The following ARHGAP28 variants were observed in gnomAD, a reference collection of about 807,000 sequenced individuals.
ARHGAP28 encodes Rho GTPase activating protein 28.
ARHGAP28 carries 56 observed loss-of-function variants against 90.7 expected under a neutral mutation model. The observed-to-expected ratio is 0.62, with a 90% CI of 0.50 to 0.77. The LOEUF (loss-of-function observed/expected upper bound fraction) is 0.77. Among genes scored for constraint, ARHGAP28 ranks in the 30% least tolerant of loss-of-function variants. The pLI, the probability that ARHGAP28 is intolerant of heterozygous loss-of-function variation, is 0.00. For synonymous variants in ARHGAP28, 308 were observed against 323.3 expected, an observed-to-expected ratio of 0.95 and a Z score of 0.51; for missense variants, 869 against 900.9, an observed-to-expected ratio of 0.96 and a Z score of 0.45.
At chr18:6,787,202 A>G (rs1252333909) in intron 1 of ARHGAP28, among the ~76,000 whole-genome samples, 2 of 149,066 alleles carry the variant, frequency 1.3e-5, no homozygotes, top group African/African-American at 2.5e-5. Context: ...CCTGGGCAAC[A>G]AGAGCGAAAC....
In ARHGAP28 at chr18:6,795,287, G is replaced by A. The variant is rs188743949; in HGVS notation, c.123-29475G>A. ...GGAAGAGAGCTGGAGGGGTCCCTGC[G>A]AGAAAGAAGAGTGCTCCAGGAGGGC... On this transcript the variant is annotated intron_variant, in intron 1 of 17. Transcript: ENST00000383472. Among the ~76,000 whole-genome samples, 11 of 152,158 alleles carry A rather than the reference G, an allele frequency of 7.2e-5. No individual in the cohort carries two copies. In the East Asian group the frequency reaches 2.1e-3, roughly 30 times the overall value.
At chr18:6,839,398 A>G (rs377041743) in intron 3 of ARHGAP28, among the ~76,000 whole-genome samples, 26 of 147,864 alleles carry the variant, frequency 1.8e-4, no homozygotes, top group East Asian at 1.6e-3. Flanking sequence ...GGTTCACGCC[A>G]TTCTCCCCCC....
intron 1 of ARHGAP28, among the ~76,000 whole-genome samples, chr18:6,739,003 C>A (rs543140978): frequency 3.9e-4 from 59 of 152,240 alleles, no homozygotes; most frequent in African/African-American, 1.4e-3. Context: ...ATGAGGCAAG[C>A]ACTATACTAA....
intron 1 of ARHGAP28, among the ~76,000 whole-genome samples, chr18:6,772,027 A>G (rs2143413100): frequency 6.6e-6 from 1 of 152,310 alleles, no homozygotes; most frequent in Non-Finnish European, 1.5e-5. Context: ...ATGTATCAAT[A>G]CAAAATCCTC....
intron 2 of ARHGAP28, 125 bp from the exon 3 acceptor site, chr18:6,837,071 CT>C: frequency 1.4e-6 from 1 of 701,942 alleles, no homozygotes; most frequent in Non-Finnish European, 2.3e-6. Context: ...TCTTGTAGTT[CT>C]TTCCCATAAT....
At chr18:6,870,462 C>A in intron 6 of ARHGAP28, 128 bp from the exon 7 acceptor site, 1 of 937,610 alleles carries the variant, frequency 1.1e-6, no homozygotes, top group South Asian at 1.6e-5. Flanking sequence ...TGCTGCTTTT[C>A]CTCGCATATA....
At chr18:6,870,913 G>A (rs936227810) in intron 7 of ARHGAP28, among the ~76,000 whole-genome samples, 181 bp downstream of exon 7, 1 of 151,894 alleles carries the variant, frequency 6.6e-6, no homozygotes, top group Non-Finnish European at 1.5e-5. Flanking sequence ...CCATTCTCCT[G>A]CCTCAGCCTC....
chr18:6,809,942 A>T (rs1289402417), intron 1 of ARHGAP28, among the ~76,000 whole-genome samples: 1 of 152,208 alleles, frequency 6.6e-6, no homozygotes, highest in Non-Finnish European at 1.5e-5. Flanking sequence ...AATCATTGTC[A>T]CTATATTATA....
At chr18:6,806,423 C>G (rs1567953780) in intron 1 of ARHGAP28, among the ~76,000 whole-genome samples, 1 of 151,252 alleles carries the variant, frequency 6.6e-6, no homozygotes, top group Non-Finnish European at 1.5e-5. Context: ...AATTTGTAGG[C>G]AAAAGCAGTA....
rs574183693 is a variant in ARHGAP28 at position 6,824,217 on chromosome 18, A to G, written c.123-545A>G. Among the ~76,000 whole-genome samples the G allele has an allele frequency of 5.3e-5, 8 of 152,258 alleles. No individual in the cohort carries two copies. The South Asian group carries it at 1.5e-3, about 28-fold the overall frequency. ...TAAAAACATATTCATGTTAATTCCT[A>G]TACGGCCACAGAGTCATTATAAAGT... On this transcript the variant is annotated intron_variant, in intron 1 of 17. Transcript: ENST00000383472.
At chr18:6,843,817 A>G (rs1319719955) in intron 3 of ARHGAP28, among the ~76,000 whole-genome samples, 1 of 152,232 alleles carries the variant, frequency 6.6e-6, no homozygotes, top group Non-Finnish European at 1.5e-5. Flanking sequence ...GACAATTTCT[A>G]TGGGTTCAAA....
At chr18:6,877,627 A>C (rs544152730) in intron 10 of ARHGAP28, among the ~76,000 whole-genome samples, 3 of 152,220 alleles carry the variant, frequency 2.0e-5, no homozygotes, top group African/African-American at 7.2e-5. Flanking sequence ...CTTCCCTGAG[A>C]GTGGAGTTGG....
rs530008025 is a variant in ARHGAP28, at chr18:6,748,284, T to C, written c.122+18341T>C. Among the ~76,000 whole-genome samples the C allele has an allele frequency of 3.3e-5, 5 of 152,270 alleles. No homozygotes were observed. In the South Asian group the frequency reaches 1.0e-3, roughly 32 times the overall value. ...TTCCGGGAAACTTTTACATCCAGGG[T>C]ATCTTTACATTTATAGATACCATGA... On this transcript the variant is annotated intron_variant, in intron 1 of 17. Coordinates refer to ENST00000383472, the MANE Select transcript of ARHGAP28 (RefSeq NM_001366230.1).
At chr18:6,816,734 T>A (rs2056593494) in intron 1 of ARHGAP28, among the ~76,000 whole-genome samples, 1 of 152,152 alleles carries the variant, frequency 6.6e-6, no homozygotes, top group South Asian at 2.1e-4. Context: ...AATGTACTGA[T>A]CAAAGCCAGA....
chr18:6,769,479 A>G (rs1180701500), intron 1 of ARHGAP28, among the ~76,000 whole-genome samples: 1 of 152,210 alleles, frequency 6.6e-6, no homozygotes, highest in African/African-American at 2.4e-5. Flanking sequence ...TTCATTTAGG[A>G]CTTCCAAAAG....
Position 6,913,551 on chromosome 18 carries a change from A to G in ARHGAP28, c.*1397A>G, listed in dbSNP as rs1600319117. 1 of 152,198 alleles carries G rather than the reference A, an allele frequency of 6.6e-6. No individual in the cohort carries two copies. Among genetic ancestry groups the G allele is most frequent in the East Asian group, 1.9e-4 (1 of 5,198 alleles). The allele number at this position is 152,198 out of a possible 1,614,324, so 9.4% of individuals were successfully genotyped here. On this transcript the variant is annotated 3_prime_UTR_variant, in exon 18 of 18. Transcript: ENST00000383472. ...AAAGTTGCTCACAAATACAGAAAAC[A>G]TCTTTTTGTCTACTTCGCAAGTCTC...
At chr18:6,796,445 C>T (rs2056442546) in intron 1 of ARHGAP28, among the ~76,000 whole-genome samples, 1 of 152,016 alleles carries the variant, frequency 6.6e-6, no homozygotes, top group South Asian at 2.1e-4. Flanking sequence ...TGGCCTCTGT[C>T]TTCAAAGATG....
chr18:6,790,591 T>C (rs900378035), intron 1 of ARHGAP28: 1 of 151,790 alleles, frequency 6.6e-6, no homozygotes, highest in South Asian at 2.1e-4. Flanking sequence ...TCGAACAGAG[T>C]GGACAAGTGA....
At chr18:6,787,249 A>C (rs1023448054) in intron 1 of ARHGAP28, among the ~76,000 whole-genome samples, 1 of 150,560 alleles carries the variant, frequency 6.6e-6, no homozygotes, top group Non-Finnish European at 1.5e-5. Flanking sequence ...AAAAGGATTG[A>C]AGTTGCCCTT....
Sources: allele counts gnomAD v4.1 joint callset (sites outside exome capture counted in the v4.1 genomes callset), GRCh38; gene constraint gnomAD v4.1.1; transcripts MANE v1.5; gene names NCBI Gene and HGNC (gene_info 2026-07-23, HGNC 2026-07-21).